The following FRMPD1 variants were observed in gnomAD, a reference collection of about 807,000 sequenced individuals.
FRMPD1 encodes the protein FERM and PDZ domain-containing protein 1.
FRMPD1 carries 76 observed loss-of-function variants against 117.8 expected under a neutral mutation model. That is an observed-to-expected ratio of 0.65 (90% CI 0.54 to 0.78). The LOEUF is 0.78. Ranked by LOEUF, FRMPD1 falls within the 30% of genes least tolerant of loss-of-function variation. FRMPD1 has a pLI of 0.00. For synonymous variants in FRMPD1, 783 were observed against 770.4 expected (o/e 1.02, Z -0.27); for missense variants, 1,786 against 1,964.5 (o/e 0.91, Z 1.72).
At chr9:37,743,900 AAAAG>A (rs750966557) in intron 15 of FRMPD1, among the ~76,000 whole-genome samples, 1 of 144,352 alleles carries the variant, frequency 6.9e-6, no homozygotes, top group Non-Finnish European at 1.5e-5. Context: ...GTCTCAAAAA[AAAAG>A]AAAAAAAAAA....
Position 37,745,542 on chromosome 9 carries a change from C to T in FRMPD1, c.3510C>T (p.Thr1170=), listed in dbSNP as rs61170721. 3.6e-3 allele frequency: 5,830 copies of T among 1,613,966 alleles called. 178 individuals are homozygous for T. In the African/African-American group the frequency reaches 0.066, roughly 18 times the overall value. ...SLSLDAPVTG[T]EQIPPHPPRD... ...CTTTAGATGCTCCTGTAACAGGGAC[C>T]GAGCAGATCCCACCACATCCCCCTA... The change falls in exon 16 of 16, where the codon ACC becomes ACT. Residue 1170 remains threonine, a synonymous_variant. Coordinates refer to ENST00000377765, the MANE Select transcript of FRMPD1 (RefSeq NM_014907.3).
intron 15 of FRMPD1, among the ~76,000 whole-genome samples, chr9:37,742,897 TCAAAAAA>T (rs970540644): frequency 4.7e-4 from 72 of 152,102 alleles, no homozygotes; most frequent in African/African-American, 1.7e-3. Flanking sequence ...AGATTCTGTC[TCAAAAAA>T]CAAAAAACAA....
intron 1 of FRMPD1, among the ~76,000 whole-genome samples, chr9:37,671,753 G>A (rs1821359000): frequency 6.6e-6 from 1 of 152,146 alleles, no homozygotes; most frequent in South Asian, 2.1e-4. Context: ...AACACCTGAG[G>A]TCAGGAGTTT....
At chr9:37,718,788 A>G (rs1823262708) in intron 5 of FRMPD1, among the ~76,000 whole-genome samples, 1 of 152,238 alleles carries the variant, frequency 6.6e-6, no homozygotes, top group Non-Finnish European at 1.5e-5. Flanking sequence ...TGGAATTCAG[A>G]TAGTCCCATT....
chr9:37,727,759 G>A (rs941482631), intron 7 of FRMPD1, among the ~76,000 whole-genome samples: 3 of 150,540 alleles, frequency 2.0e-5, no homozygotes, highest in Admixed American at 6.6e-5. Context: ...GTCATGAGGA[G>A]GGAGGAAATG....
intron 1 of FRMPD1, among the ~76,000 whole-genome samples, chr9:37,655,368 C>T (rs1216967998): frequency 6.6e-6 from 1 of 152,134 alleles, no homozygotes; most frequent in Non-Finnish European, 1.5e-5. Flanking sequence ...TCATCATGCT[C>T]CTCCTTAGAG....
Position 37,740,566 on chromosome 9 carries a change from T to C in FRMPD1, c.2038T>C (p.Leu680=), listed in dbSNP as rs1824346960. 6.2e-7 allele frequency: 1 copy of C among 1,614,182 alleles called. No individual in the cohort carries two copies. Among genetic ancestry groups the C allele is most frequent in the Non-Finnish European group, 8.5e-7 (1 of 1,180,020 alleles). ...QKTEFSESAA[L]ETFGWAPELS... ...GACAGAGTTTTCCGAGAGTGCTGCTTTGGAGACATTTGGCTGGGCACCAGA... is the reference window on the plus strand; with the variant it reads ...GACAGAGTTTTCCGAGAGTGCTGCTCTGGAGACATTTGGCTGGGCACCAGA... The change falls in exon 15 of 16, where the codon TTG becomes CTG. Residue 680 remains leucine (L), a synonymous_variant. Coordinates refer to ENST00000377765, the MANE Select transcript of FRMPD1 (RefSeq NM_014907.3). This position sits in a 1 kb window ranked among gnomAD's most constrained non-coding sequence, Gnocchi z 4.2.
At chr9:37,661,568 T>G (rs1393209797) in intron 1 of FRMPD1, among the ~76,000 whole-genome samples, 1 of 152,188 alleles carries the variant, frequency 6.6e-6, no homozygotes, top group Non-Finnish European at 1.5e-5. Flanking sequence ...TTTCCAAATT[T>G]CATAAAGCCC....
the FRMPD1 span, among the ~76,000 whole-genome samples, chr9:37,612,748 T>C: frequency 1.3e-5 from 2 of 152,196 alleles, no homozygotes; most frequent in Non-Finnish European, 2.9e-5. Context: ...CGCCTTGGCC[T>C]CCCAAAGTGT....
intron 1 of FRMPD1, among the ~76,000 whole-genome samples, chr9:37,682,090 A>G (rs1053432435): frequency 1.3e-5 from 2 of 152,250 alleles, no homozygotes; most frequent in South Asian, 2.1e-4. Flanking sequence ...AGATCAGAAC[A>G]AAGACACAAG....
intron 5 of FRMPD1, among the ~76,000 whole-genome samples, chr9:37,715,416 G>A (rs1823077792): frequency 6.6e-6 from 1 of 152,180 alleles, no homozygotes; most frequent in African/African-American, 2.4e-5. Flanking sequence ...AAACCCTGCT[G>A]CCTTTGTGAG....
chr9:37,719,301 G>C, intron 6 of FRMPD1, 125 bp downstream of exon 6: 1 of 661,410 alleles, frequency 1.5e-6, no homozygotes, highest in Non-Finnish European at 2.7e-6. Context: ...GTTTGCAAGA[G>C]GCTTTGTGCG....
rs182744320 is a variant in FRMPD1, at chr9:37,715,597, C to T, written c.409-3472C>T. 6.8e-5 allele frequency: 31 copies of T among 454,700 alleles called. No homozygotes were observed. The East Asian group carries it at 1.7e-3, about 25-fold the overall frequency. The allele number at this position is 454,700 out of a possible 1,614,324, so 28.2% of individuals were successfully genotyped here. Reference sequence around the variant, plus strand: ...GCTTTGTGATGAATTAATTTAGAATCCAGAGAGAGCTTAGAAGTTCTAGAA... The same window carrying T: ...GCTTTGTGATGAATTAATTTAGAATTCAGAGAGAGCTTAGAAGTTCTAGAA... On this transcript the variant is annotated intron_variant, in intron 5 of 15. Coordinates refer to ENST00000377765, the MANE Select transcript of FRMPD1 (RefSeq NM_014907.3).
chr9:37,719,299 G>A, intron 6 of FRMPD1, 123 bp downstream of exon 6: 2 of 669,616 alleles, frequency 3.0e-6, no homozygotes, highest in Non-Finnish European at 5.4e-6. Context: ...GTGTTTGCAA[G>A]AGGCTTTGTG....
At chr9:37,663,634 T>C (rs1588908031) in intron 1 of FRMPD1, among the ~76,000 whole-genome samples, 1 of 152,246 alleles carries the variant, frequency 6.6e-6, no homozygotes, top group East Asian at 1.9e-4. Flanking sequence ...TCTAACCTCG[T>C]GACTTTGCCT....
At chr9:37,721,369 A>C (rs2118279872) in intron 6 of FRMPD1, among the ~76,000 whole-genome samples, 1 of 152,350 alleles carries the variant, frequency 6.6e-6, no homozygotes, top group East Asian at 1.9e-4. Context: ...TTAGATACAC[A>C]ATCACTGTAT....
chr9:37,609,480 T>C, the FRMPD1 span, among the ~76,000 whole-genome samples: 1 of 152,088 alleles, frequency 6.6e-6, no homozygotes, highest in Non-Finnish European at 1.5e-5. Context: ...TCTCTTTCTC[T>C]CAAACCCTGC....
chr9:37,693,574 T>C (rs1339242153), intron 2 of FRMPD1, among the ~76,000 whole-genome samples: 2 of 152,158 alleles, frequency 1.3e-5, no homozygotes, highest in African/African-American at 4.8e-5. Flanking sequence ...CACCTAAGGC[T>C]CATAGAGTGA....
At chr9:37,613,455 T>C in the FRMPD1 span, among the ~76,000 whole-genome samples, 1 of 152,182 alleles carries the variant, frequency 6.6e-6, no homozygotes, top group Non-Finnish European at 1.5e-5. Flanking sequence ...AACTGGCTAA[T>C]GGGAATATAA....
Sources: allele counts gnomAD v4.1 joint callset (sites outside exome capture counted in the v4.1 genomes callset), GRCh38; gene constraint gnomAD v4.1.1; non-coding constraint Gnocchi (gnomAD v3.1); transcripts MANE v1.5; gene names NCBI Gene and HGNC (gene_info 2026-07-23, HGNC 2026-07-21).